MAL2: variants seen among roughly 807,000 people sequenced by gnomAD.
MAL2 encodes the protein mal, T cell differentiation protein 2.
MAL2 carries 17 observed loss-of-function variants against 18.1 expected under a neutral mutation model. The ratio of observed to expected loss-of-function variants is 0.94; its 90% CI spans 0.64 to 1.41. The LOEUF is 1.41. MAL2 is among the 40% of genes most tolerant of loss of function. The pLI is 0.00. For missense variants in MAL2, 222 were observed against 231.9 expected (o/e 0.96, Z 0.28); for synonymous variants, 102 against 102.3 (o/e 1.00, Z 0.02).
At chr8:119,243,373 C>T (rs1319449357) in intron 3 of MAL2, 44 bp from the exon 4 acceptor site, 8 of 1,462,744 alleles carry the variant, frequency 5.5e-6, no homozygotes, top group East Asian at 2.5e-5. Flanking sequence ...GTTTATAAGT[C>T]GGTGTTGTAA....
chr8:119,225,284 C>G (rs1279452729), intron 2 of MAL2, among the ~76,000 whole-genome samples: 1 of 152,000 alleles, frequency 6.6e-6, no homozygotes, highest in Admixed American at 6.6e-5. Flanking sequence ...CCCCACCCCA[C>G]AACAGGCCCC....
In MAL2 at chr8:119,240,332, T is replaced by G. The variant is rs1316001139; in HGVS notation, c.459+12T>G. 2.5e-6 allele frequency: 4 copies of G among 1,612,340 alleles called. No homozygotes were observed. In the South Asian group the frequency reaches 4.4e-5, roughly 18 times the overall value. ...ACGTAGCAGCCTCAGTAAGTATTCA[T>G]ATTCAATGAGTACCATTCACCAGCA... On this transcript the variant is annotated intron_variant, in intron 3 of 3. Transcript: ENST00000614891.
At chr8:119,222,552 G>A (rs1326315386) in intron 2 of MAL2, among the ~76,000 whole-genome samples, 1 of 150,618 alleles carries the variant, frequency 6.6e-6, no homozygotes, top group Non-Finnish European at 1.5e-5. Context: ...TTGTGACCAA[G>A]TGCAGTGGCT....
intron 1 of MAL2, among the ~76,000 whole-genome samples, chr8:119,212,469 G>A (rs1009028947): frequency 1.3e-5 from 2 of 152,308 alleles, no homozygotes; most frequent in East Asian, 1.9e-4. Flanking sequence ...TATGCATCAA[G>A]CCTTCTTTTA....
intron 1 of MAL2, among the ~76,000 whole-genome samples, chr8:119,212,473 T>C (rs1731544351): frequency 6.6e-6 from 1 of 152,220 alleles, no homozygotes; most frequent in African/African-American, 2.4e-5. Flanking sequence ...CATCAAGCCT[T>C]CTTTTATGCC....
intron 2 of MAL2, among the ~76,000 whole-genome samples, chr8:119,228,818 A>T (rs1817649319): frequency 6.6e-6 from 1 of 152,134 alleles, no homozygotes; most frequent in Non-Finnish European, 1.5e-5. Flanking sequence ...TTTTTGTGAG[A>T]GTGAAATATT....
chr8:119,235,224 A>C (rs912896510), intron 2 of MAL2, among the ~76,000 whole-genome samples: 4 of 152,204 alleles, frequency 2.6e-5, no homozygotes, highest in African/African-American at 9.7e-5. Context: ...AGAAGATGAA[A>C]TGAAGCGAGA....
At chr8:119,226,129 G>A (rs1164320275) in intron 2 of MAL2, among the ~76,000 whole-genome samples, 2 of 152,108 alleles carry the variant, frequency 1.3e-5, no homozygotes, top group African/African-American at 4.8e-5. Flanking sequence ...CTGTGCAGAA[G>A]CTTTTTAGTT....
chr8:119,212,097 G>A (rs1319346587), intron 1 of MAL2, among the ~76,000 whole-genome samples: 1 of 152,158 alleles, frequency 6.6e-6, no homozygotes, highest in Non-Finnish European at 1.5e-5. Flanking sequence ...GAAGTGAACT[G>A]CAGCTAAAAC....
In MAL2 at chr8:119,243,588, A is replaced by G. The variant is rs1008787065; in HGVS notation, c.*100A>G. The stretch of plus-strand genomic sequence containing the variant: ...TTTGTCCAGATGCAAAAACATTCCA[A>G]AAGTAATGTGTTTAGTAGAGAGAGA... On this transcript the variant is annotated 3_prime_UTR_variant, in exon 4 of 4. Coordinates refer to ENST00000614891, the MANE Select transcript of MAL2 (RefSeq NM_052886.3). 1.9e-6 allele frequency: 2 copies of G among 1,030,990 alleles called. No individual in the cohort carries two copies. Among genetic ancestry groups the G allele is most frequent in the Non-Finnish European group, 2.7e-6 (2 of 728,044 alleles). The allele number at this position is 1,030,990 out of a possible 1,614,324, so 63.9% of individuals were successfully genotyped here. A position where few individuals can be genotyped will look rare whatever the true frequency, so the allele number is the denominator to read the frequency against.
At chr8:119,235,455 A>C (rs1467508893) in intron 2 of MAL2, among the ~76,000 whole-genome samples, 1 of 151,980 alleles carries the variant, frequency 6.6e-6, no homozygotes, top group Non-Finnish European at 1.5e-5. Flanking sequence ...GAATGCCACA[A>C]AGATACTCCT....
At chr8:119,238,971 T>C (rs367917433) in intron 2 of MAL2, among the ~76,000 whole-genome samples, 13,738 of 149,652 alleles carry the variant, frequency 0.092, 2,092 homozygotes, top group African/African-American at 0.31. Flanking sequence ...AAAGAAACTA[T>C]CATCAGAGTG....
chr8:119,218,788 A>G (rs1817407245), intron 1 of MAL2, among the ~76,000 whole-genome samples: 1 of 152,126 alleles, frequency 6.6e-6, no homozygotes, highest in Non-Finnish European at 1.5e-5. Context: ...TCCCTAACTC[A>G]TTATGTTTAT....
At chr8:119,228,270 A>G (rs892298799) in intron 2 of MAL2, among the ~76,000 whole-genome samples, 5 of 152,102 alleles carry the variant, frequency 3.3e-5, no homozygotes, top group African/African-American at 9.7e-5. Flanking sequence ...TTGTAGCTCA[A>G]TGGGACCATT....
Position 119,226,726 on chromosome 8 carries a change from C to T in MAL2, c.303+4969C>T, listed in dbSNP as rs140128644. On this transcript the variant is annotated intron_variant, in intron 2 of 3. Coordinates refer to ENST00000614891, the MANE Select transcript of MAL2 (RefSeq NM_052886.3). The stretch of plus-strand genomic sequence containing the variant: ...GGGCAGAGATTTACAAATGGTGGTC[C>T]TGGCCAGAAGAGCAGCAGCATCTGG... 2.8e-3 allele frequency among the ~76,000 whole-genome samples: 432 copies of T among 152,268 alleles called. 1 individual carries two copies. The highest frequency in any genetic ancestry group is 9.8e-3 in the African/African-American group (407 of 41,564).
chr8:119,242,874 A>G (rs1818075223), intron 3 of MAL2, among the ~76,000 whole-genome samples: 1 of 152,226 alleles, frequency 6.6e-6, no homozygotes, highest in African/African-American at 2.4e-5. Flanking sequence ...GGTGCTGAAG[A>G]AATTCTCATT....
rs535656694 is a variant in MAL2 at position 119,229,131 on chromosome 8, A to C, written c.303+7374A>C. On this transcript the variant is annotated intron_variant, in intron 2 of 3. Transcript: ENST00000614891. ...CGAAGGGTCCTTTTGGCTACGTAGC[A>C]TTCTAAAGTGATGCTTCTGGTAAGC... Among the ~76,000 whole-genome samples the C allele has an allele frequency of 1.0e-3, 158 of 152,324 alleles. 2 individuals carry two copies. Among genetic ancestry groups the C allele is most frequent in the Admixed American group, 2.5e-3 (38 of 15,302 alleles).
chr8:119,208,708 C>T lies in MAL2; in HGVS notation c.132+104C>T. 1 of 1,211,052 alleles carries T rather than the reference C, an allele frequency of 8.3e-7. No individual in the cohort carries two copies. The highest frequency in any genetic ancestry group is 1.0e-6 in the Non-Finnish European group (1 of 973,726). The allele number at this position is 1,211,052 out of a possible 1,614,324, so 75.0% of individuals were successfully genotyped here. A position where few individuals can be genotyped will look rare whatever the true frequency, so the allele number is the denominator to read the frequency against. On this transcript the variant is annotated intron_variant, in intron 1 of 3. Coordinates refer to ENST00000614891, the MANE Select transcript of MAL2 (RefSeq NM_052886.3). The surrounding 1 kb of genome is among the most constrained non-coding windows in gnomAD (Gnocchi z 4.3). Reference sequence around the variant, plus strand: ...CTCTGCGTCCGCCCCCGGCCTCCTTCCCTTCGACGTGGCTTTGTCCTGCGC... The same window carrying T: ...CTCTGCGTCCGCCCCCGGCCTCCTTTCCTTCGACGTGGCTTTGTCCTGCGC...
In MAL2 at chr8:119,244,582, A is replaced by G. The variant is rs990397928; in HGVS notation, c.*1094A>G. 6.8e-5 allele frequency: 10 copies of G among 147,414 alleles called. No individual in the cohort carries two copies. The highest frequency in any genetic ancestry group is 2.2e-4 in the African/African-American group (9 of 40,380). 9.1% of individuals were successfully genotyped at this position (147,414 alleles called of 1,614,324 possible). A position where few individuals can be genotyped will look rare whatever the true frequency, so the allele number is the denominator to read the frequency against. ...TGTGTGGATATGTGAAGCTTTTCCA[A>G]ATAGAGCTCTCAGAAGAATTAAGTT... is the stretch of plus-strand genomic sequence containing the variant. On this transcript the variant is annotated 3_prime_UTR_variant, in exon 4 of 4. Coordinates refer to ENST00000614891, the MANE Select transcript of MAL2 (RefSeq NM_052886.3).
Sources: allele counts gnomAD v4.1 joint callset (sites outside exome capture counted in the v4.1 genomes callset), GRCh38; gene constraint gnomAD v4.1.1; non-coding constraint Gnocchi (gnomAD v3.1); transcripts MANE v1.5; gene names NCBI Gene and HGNC (gene_info 2026-07-23, HGNC 2026-07-21).